The following PIEZO2 variants were observed in gnomAD, a reference collection of about 807,000 sequenced individuals.
PIEZO2 encodes piezo-type mechanosensitive ion channel component 2.
A neutral mutation model predicts 337.3 loss-of-function variants in PIEZO2; 172 were observed. That is an observed-to-expected ratio of 0.51 (90% CI 0.45 to 0.58). PIEZO2 has a LOEUF of 0.58. Ranked by LOEUF, PIEZO2 falls within the 20% of genes least tolerant of loss-of-function variation. The probability of loss-of-function intolerance (pLI) is 0.00; values close to 1 mark genes in which losing one functional copy is unlikely to be tolerated. For synonymous variants in PIEZO2, 1,251 were observed against 1,228.5 expected (o/e 1.02, Z -0.38); for missense variants, 3,028 against 3,391.3 (o/e 0.89, Z 2.66).
chr18:11,000,784 G>T (rs553594248), intron 2 of PIEZO2, among the ~76,000 whole-genome samples: 1 of 152,178 alleles, frequency 6.6e-6, no homozygotes, highest in Admixed American at 6.5e-5. Flanking sequence ...GGTGGCTCCC[G>T]GCAGGGACAC....
rs2036904326 is a variant in PIEZO2, at chr18:11,035,696, A to G, written c.160+30431T>C. 6.6e-6 allele frequency among the ~76,000 whole-genome samples: 1 copy of G among 152,316 alleles called. No individual in the cohort carries two copies. The highest frequency in any genetic ancestry group is 2.1e-4 in the South Asian group (1 of 4,828). On this transcript the variant is annotated intron_variant, in intron 2 of 55. Coordinates refer to ENST00000674853, the MANE Select transcript of PIEZO2 (RefSeq NM_001378183.1). This position sits in a 1 kb window ranked among gnomAD's most constrained non-coding sequence, Gnocchi z 4.3. ...TCTTATCCCTGAAGAATGGACACAG[A>G]GGGTTGGAAAGTGTGATTATGATGA... is the stretch of plus-strand genomic sequence containing the variant.
chr18:11,066,044 T>G (rs1234519678), intron 2 of PIEZO2, 83 bp downstream of exon 2: 2 of 1,105,352 alleles, frequency 1.8e-6, no homozygotes, highest in African/African-American at 3.1e-5. Context: ...TCTCTGCCAT[T>G]AGATAAAGGC....
intron 2 of PIEZO2, among the ~76,000 whole-genome samples, chr18:11,061,134 A>G (rs894991216): frequency 1.1e-4 from 17 of 152,220 alleles, no homozygotes; most frequent in African/African-American, 4.1e-4. Flanking sequence ...CCAGCATATA[A>G]ACAGAACCAA....
At chr18:10,732,407 C>T (rs1175874238) in intron 35 of PIEZO2, among the ~76,000 whole-genome samples, 1 of 152,166 alleles carries the variant, frequency 6.6e-6, no homozygotes, top group East Asian at 1.9e-4. Context: ...CAGATCTGTT[C>T]ATCTTATTCT....
chr18:10,976,333 G>A (rs1199333579), intron 3 of PIEZO2, among the ~76,000 whole-genome samples: 1 of 152,154 alleles, frequency 6.6e-6, no homozygotes, highest in Admixed American at 6.5e-5. Context: ...ATGAGCCAAT[G>A]CGATTACAGG....
rs2039542837 is a variant in PIEZO2, at chr18:11,105,833, C to T, written c.65-39611G>A. Reference sequence around the variant, plus strand: ...CCAGCAGCACATTTACATTGATCCTCTCCAGGAAAGATCAGTGGCTTAATG... The same window carrying T: ...CCAGCAGCACATTTACATTGATCCTTTCCAGGAAAGATCAGTGGCTTAATG... On this transcript the variant is annotated intron_variant, in intron 1 of 55. Coordinates refer to ENST00000674853, the MANE Select transcript of PIEZO2 (RefSeq NM_001378183.1). This position sits in a 1 kb window ranked among gnomAD's most constrained non-coding sequence, Gnocchi z 4.3. Among the ~76,000 whole-genome samples the T allele has an allele frequency of 6.6e-6, 1 of 152,156 alleles. No individual in the cohort carries two copies. The highest frequency in any genetic ancestry group is 2.4e-5 in the African/African-American group (1 of 41,442).
rs1184689911 is a variant in PIEZO2, at chr18:10,903,845, C to T, written c.329+7341G>A. Reference sequence around the variant, plus strand: ...TTCTTCAAAACTCTGCCCAGATGTTCCCTGAAGTTAAGCTTTCACAGACAA... The same window carrying T: ...TTCTTCAAAACTCTGCCCAGATGTTTCCTGAAGTTAAGCTTTCACAGACAA... On this transcript the variant is annotated intron_variant, in intron 4 of 55. Transcript: ENST00000674853. The surrounding 1 kb of genome is among the most constrained non-coding windows in gnomAD (Gnocchi z 4.1). 6.6e-6 allele frequency among the ~76,000 whole-genome samples: 1 copy of T among 152,142 alleles called. No homozygotes were observed. Among genetic ancestry groups the T allele is most frequent in the African/African-American group, 2.4e-5 (1 of 41,430 alleles).
At chr18:11,050,183 T>A in intron 2 of PIEZO2, among the ~76,000 whole-genome samples, 1 of 152,190 alleles carries the variant, frequency 6.6e-6, no homozygotes, top group Non-Finnish European at 1.5e-5. Flanking sequence ...CTAATTTTTT[T>A]TAGCATTCCT....
intron 36 of PIEZO2, among the ~76,000 whole-genome samples, chr18:10,718,839 C>A (rs1598395805): frequency 6.6e-6 from 1 of 151,822 alleles, no homozygotes. Context: ...TATAGAAAAT[C>A]AAAATATTAG....
rs1393360104 is a variant in PIEZO2 at position 11,148,928 on chromosome 18, AG to A, written c.-341del. Among the ~76,000 whole-genome samples the A allele has an allele frequency of 6.6e-6, 1 of 151,922 alleles. No individual in the cohort carries two copies. The highest frequency in any genetic ancestry group is 1.9e-4 in the East Asian group (1 of 5,142). On this transcript the variant is annotated 5_prime_UTR_variant, in exon 1 of 56. Coordinates refer to ENST00000674853, the MANE Select transcript of PIEZO2 (RefSeq NM_001378183.1). The surrounding 1 kb of genome is among the most constrained non-coding windows in gnomAD (Gnocchi z 5.2). ...GGTAGCTGATGCCGGGGCCTTGGAG[AG>A]GGACGCTTTGGGAGGGTCCTGGGAG...
At chr18:10,881,842 A>T (rs1246694367) in intron 4 of PIEZO2, among the ~76,000 whole-genome samples, 2 of 152,070 alleles carry the variant, frequency 1.3e-5, no homozygotes, top group Non-Finnish European at 2.9e-5. Context: ...GCCAAATCCA[A>T]AGTCCTCCCT....
At chr18:10,788,074 A>G (rs746579051) in intron 15 of PIEZO2, among the ~76,000 whole-genome samples, 2 of 152,214 alleles carry the variant, frequency 1.3e-5, no homozygotes, top group Non-Finnish European at 2.9e-5. Flanking sequence ...ACTTCAGATT[A>G]TCCAGCTTTT....
At chr18:10,734,811 A>G (rs1423957115) in intron 35 of PIEZO2, among the ~76,000 whole-genome samples, 1 of 152,176 alleles carries the variant, frequency 6.6e-6, no homozygotes, top group Non-Finnish European at 1.5e-5. Flanking sequence ...CCCGAATGAG[A>G]GACGGAGTAA....
intron 7 of PIEZO2, among the ~76,000 whole-genome samples, chr18:10,832,730 C>G (rs1032953615): frequency 6.6e-6 from 1 of 152,206 alleles, no homozygotes; most frequent in Non-Finnish European, 1.5e-5. Flanking sequence ...GTGGCTCCAC[C>G]CGCCCAGGAT....
intron 35 of PIEZO2, among the ~76,000 whole-genome samples, chr18:10,733,099 G>A (rs1475449376): frequency 2.0e-5 from 3 of 152,122 alleles, no homozygotes; most frequent in Non-Finnish European, 2.9e-5. Context: ...GGGATGTGAA[G>A]GGTGGAATCG....
At chr18:10,807,056 C>G (rs1425012135) in intron 8 of PIEZO2, 56 bp downstream of exon 8, 2 of 1,455,712 alleles carry the variant, frequency 1.4e-6, no homozygotes, top group South Asian at 2.5e-5. Flanking sequence ...AATCATTTCA[C>G]GTGGAGATTC....
intron 1 of PIEZO2, among the ~76,000 whole-genome samples, chr18:11,133,854 TA>T (rs1245984689): frequency 1.3e-5 from 2 of 151,374 alleles, no homozygotes; most frequent in Non-Finnish European, 2.9e-5. Flanking sequence ...TATATACACT[TA>T]ATAAACTCCT....
At chr18:10,950,982 T>C (rs2033265673) in intron 3 of PIEZO2, among the ~76,000 whole-genome samples, 1 of 152,234 alleles carries the variant, frequency 6.6e-6, no homozygotes, top group South Asian at 2.1e-4. Flanking sequence ...TGGGTCATTC[T>C]TGTTATACCC....
At chr18:11,118,050 C>T (rs2039936386) in intron 1 of PIEZO2, among the ~76,000 whole-genome samples, 1 of 152,202 alleles carries the variant, frequency 6.6e-6, no homozygotes. Flanking sequence ...TTTTATGTTT[C>T]CTTCAATCCC....
Sources: gnomAD v4.1 joint callset for allele counts (sites outside exome capture counted in the v4.1 genomes callset) on GRCh38, gnomAD v4.1.1 for gene constraint, Gnocchi (gnomAD v3.1) non-coding constraint, MANE v1.5 for transcripts, NCBI Gene and HGNC (gene_info 2026-07-23, HGNC 2026-07-21) for gene names.